Variants in MYO3A observed in about 807,000 individuals in gnomAD.
The protein encoded by MYO3A is myosin-IIIa.
A neutral mutation model predicts 192.7 loss-of-function variants in MYO3A; 180 were observed. That is an observed-to-expected ratio of 0.93 (90% CI 0.83 to 1.06). The LOEUF (loss-of-function observed/expected upper bound fraction) is 1.06, where lower values mean the gene tolerates loss of function less well. Among genes scored for constraint, MYO3A ranks in the 50% least tolerant of loss-of-function variants. The pLI is 0.00. For synonymous variants in MYO3A, 628 were observed against 645.3 expected (o/e 0.97, Z 0.41); for missense variants, 1,896 against 1,905.0 (o/e 1.00, Z 0.09).
chr10:25,995,819 A>T (rs893415039), intron 4 of MYO3A, among the ~76,000 whole-genome samples: 6 of 152,198 alleles, frequency 3.9e-5, no homozygotes, highest in African/African-American at 1.4e-4. Flanking sequence ...AGAACAGCGA[A>T]TATTGCTGAA....
intron 2 of MYO3A, among the ~76,000 whole-genome samples, chr10:25,942,140 T>C (rs532987058): frequency 1.3e-5 from 2 of 152,218 alleles, no homozygotes; most frequent in South Asian, 4.1e-4. Flanking sequence ...TACCTGGGAC[T>C]ACAGGCATAT....
chr10:26,122,709 C>G (rs1255188884), intron 18 of MYO3A, among the ~76,000 whole-genome samples: 1 of 152,134 alleles, frequency 6.6e-6, no homozygotes, highest in Non-Finnish European at 1.5e-5. Context: ...ACCTCCCTCT[C>G]CCCCTCCTTC....
rs1254611146 is a variant in MYO3A at position 26,070,495 on chromosome 10, C to T, written c.1359+94C>T. ...TAGATTAATATTCTCTAGTATCTCA[C>T]ATTTAATAATGTACAGAAATTTTAA... is the stretch of plus-strand genomic sequence containing the variant. On this transcript the variant is annotated intron_variant, in intron 14 of 34. Transcript: ENST00000642920. 5 of 1,084,910 alleles carry T rather than the reference C, an allele frequency of 4.6e-6. No individual in the cohort carries two copies. The African/African-American group carries it at 7.9e-5, about 17-fold the overall frequency. 67.2% of individuals were successfully genotyped at this position (1,084,910 alleles called of 1,614,324 possible). A position where few individuals can be genotyped will look rare whatever the true frequency, so the allele number is the denominator to read the frequency against.
intron 4 of MYO3A, among the ~76,000 whole-genome samples, chr10:25,961,740 A>G (rs541699432): frequency 5.9e-5 from 9 of 152,290 alleles, no homozygotes; most frequent in African/African-American, 2.2e-4. Context: ...AAGTGGCTAG[A>G]TGTACAATTA....
chr10:26,109,345 G>A (rs181582324), intron 17 of MYO3A, among the ~76,000 whole-genome samples: 1 of 152,316 alleles, frequency 6.6e-6, no homozygotes, highest in Non-Finnish European at 1.5e-5. Context: ...GTCAACTGCA[G>A]TTTGAAAATA....
At chr10:25,980,468 A>G (rs948232353) in intron 4 of MYO3A, among the ~76,000 whole-genome samples, 4 of 152,182 alleles carry the variant, frequency 2.6e-5, no homozygotes, top group Non-Finnish European at 5.9e-5. Context: ...ATAAATTATG[A>G]TTCTTCTAAA....
intron 2 of MYO3A, among the ~76,000 whole-genome samples, chr10:25,943,574 A>G (rs1836641704): frequency 6.6e-6 from 1 of 152,042 alleles, no homozygotes; most frequent in South Asian, 2.1e-4. Flanking sequence ...GTACTTTTCA[A>G]TACACAAGTC....
Position 26,164,701 on chromosome 10 carries a change from G to C in MYO3A, c.3000-1366G>C, listed in dbSNP as rs116183214. On this transcript the variant is annotated intron_variant, in intron 26 of 34. Transcript: ENST00000642920. ...TTTCTCTGGCTGTGCTCTGAAGCCC[G>C]GCACGAGGATAGAGACGCAGATGAT... 9.0e-3 allele frequency among the ~76,000 whole-genome samples: 1,378 copies of C among 152,274 alleles called. 19 individuals carry two copies. Among genetic ancestry groups the C allele is most frequent in the African/African-American group, 0.032 (1,319 of 41,546 alleles).
chr10:25,946,602 A>G (rs758742318), intron 2 of MYO3A, among the ~76,000 whole-genome samples: 4 of 150,210 alleles, frequency 2.7e-5, no homozygotes, highest in Non-Finnish European at 4.4e-5. Flanking sequence ...CTTGCAGGCC[A>G]GTTGTGGTGG....
intron 7 of MYO3A, among the ~76,000 whole-genome samples, chr10:26,017,608 A>G (rs1842052930): frequency 6.6e-6 from 1 of 152,022 alleles, no homozygotes; most frequent in Non-Finnish European, 1.5e-5. Context: ...CAAATCTTAT[A>G]ATTAAATTTG....
At chr10:26,184,940 C>A (rs545545743) in intron 31 of MYO3A, among the ~76,000 whole-genome samples, 44 of 152,198 alleles carry the variant, frequency 2.9e-4, no homozygotes, top group Admixed American at 1.1e-3. Flanking sequence ...ATTCACAGAT[C>A]CATTAGAGGC....
chr10:25,940,126 C>G (rs1397730217), intron 2 of MYO3A, among the ~76,000 whole-genome samples: 1 of 152,018 alleles, frequency 6.6e-6, no homozygotes, highest in African/African-American at 2.4e-5. Context: ...CCTGTAGTTA[C>G]CAATTTCTGT....
At chr10:26,013,230 A>T (rs1841785158) in intron 6 of MYO3A, among the ~76,000 whole-genome samples, 1 of 152,138 alleles carries the variant, frequency 6.6e-6, no homozygotes, top group East Asian at 1.9e-4. Context: ...AGAATTCATG[A>T]CTAAGACCCC....
intron 31 of MYO3A, among the ~76,000 whole-genome samples, chr10:26,181,497 T>A (rs1466399437): frequency 6.6e-6 from 1 of 152,080 alleles, no homozygotes; most frequent in African/African-American, 2.4e-5. Flanking sequence ...GAGCTCTTTA[T>A]AAATCATTCG....
At chr10:26,210,423 C>A (rs1267275744) in intron 34 of MYO3A, among the ~76,000 whole-genome samples, 4 of 152,194 alleles carry the variant, frequency 2.6e-5, no homozygotes, top group Non-Finnish European at 5.9e-5. Flanking sequence ...CTCTTTCACA[C>A]CCCACGTTTA....
chr10:26,066,897 A>G (rs1321209509), intron 10 of MYO3A, 78 bp from the exon 11 acceptor site: 17 of 879,710 alleles, frequency 1.9e-5, no homozygotes, highest in Non-Finnish European at 3.3e-5. Context: ...GAGGATTTTC[A>G]GTATCATATG....
Position 26,117,024 on chromosome 10 carries a change from G to T in MYO3A, c.1777-3652G>T, listed in dbSNP as rs116038801. On this transcript the variant is annotated intron_variant, in intron 17 of 34. Transcript: ENST00000642920. ...GGGGAACCCCAAGATGTACCTTTCA[G>T]CTGATATTTAGTTGTGATACTTGGT... Among the ~76,000 whole-genome samples, 583 of 152,262 alleles carry T rather than the reference G, an allele frequency of 3.8e-3. 3 individuals are homozygous for T. The highest frequency in any genetic ancestry group is 0.014 in the African/African-American group (563 of 41,536).
At chr10:26,134,708 A>G (rs1412634373) in intron 20 of MYO3A, among the ~76,000 whole-genome samples, 2 of 152,154 alleles carry the variant, frequency 1.3e-5, no homozygotes, top group Non-Finnish European at 2.9e-5. Context: ...CATAAAACAT[A>G]CTCAGTTCAT....
At chr10:26,083,647 A>G (rs1836117140) in intron 14 of MYO3A, among the ~76,000 whole-genome samples, 1 of 152,190 alleles carries the variant, frequency 6.6e-6, no homozygotes, top group Admixed American at 6.5e-5. Flanking sequence ...AATTGCCTAT[A>G]TTATGCTGAG....
Sources: gnomAD v4.1 joint callset for allele counts (sites outside exome capture counted in the v4.1 genomes callset) on GRCh38, gnomAD v4.1.1 for gene constraint, MANE v1.5 for transcripts, NCBI Gene and HGNC (gene_info 2026-07-23, HGNC 2026-07-21) for gene names.